Variants in PARP1 observed in about 807,000 individuals in gnomAD.
PARP1 encodes the protein poly [ADP-ribose] polymerase 1.
Under a neutral mutation model 118.7 loss-of-function variants are expected in PARP1, and 44 were observed. That is an observed-to-expected ratio of 0.37 (90% confidence interval 0.29 to 0.48). The LOEUF (loss-of-function observed/expected upper bound fraction) is 0.48. Among genes scored for constraint, PARP1 ranks in the 20% least tolerant of loss-of-function variants. The pLI, the probability that PARP1 is intolerant of heterozygous loss-of-function variation, is 0.99. For missense variants in PARP1, 1,100 were observed against 1,272.4 expected (o/e 0.86, Z 2.06); for synonymous variants, 492 against 483.2 (o/e 1.02, Z -0.24).
intron 2 of PARP1, among the ~76,000 whole-genome samples, chr1:226,398,133 C>A (rs932740448): frequency 6.6e-6 from 1 of 151,070 alleles, no homozygotes; most frequent in African/African-American, 2.4e-5. Context: ...ACACCAAAAG[C>A]CCAATCCACT....
chr1:226,402,467 T>C, intron 1 of PARP1, 88 bp from the exon 2 acceptor site: 1 of 1,280,336 alleles, frequency 7.8e-7, no homozygotes, highest in South Asian at 1.3e-5. Context: ...TCGACCCCAG[T>C]CCCAGCCCCA....
intron 9 of PARP1, 37 bp from the exon 10 acceptor site, chr1:226,380,201 G>C (rs1664578088): frequency 6.2e-7 from 1 of 1,606,460 alleles, no homozygotes; most frequent in African/African-American, 1.3e-5. Flanking sequence ...CAAAATACAA[G>C]TTTAAAACAA....
At chr1:226,405,904 T>TCA (rs1430828490) in intron 1 of PARP1, among the ~76,000 whole-genome samples, 1 of 152,212 alleles carries the variant, frequency 6.6e-6, no homozygotes, top group East Asian at 1.9e-4. Context: ...TCGCTTGAGC[T>TCA]CAGGAGTTTG....
intron 2 of PARP1, among the ~76,000 whole-genome samples, chr1:226,395,568 C>G (rs561602686): frequency 1.3e-5 from 2 of 151,976 alleles, no homozygotes; most frequent in African/African-American, 4.8e-5. Context: ...TTACCTGAAC[C>G]CAGGAGGTGG....
intron 13 of PARP1, among the ~76,000 whole-genome samples, chr1:226,374,838 C>G (rs2102732664): frequency 6.6e-6 from 1 of 152,330 alleles, no homozygotes; most frequent in Non-Finnish European, 1.5e-5. Flanking sequence ...TCCCAAAGTA[C>G]CAAGCAACCA....
chr1:226,401,906 G>C (rs746351877), intron 2 of PARP1: 19 of 1,262,526 alleles, frequency 1.5e-5, no homozygotes, highest in Non-Finnish European at 1.9e-5. Flanking sequence ...TGGTGGGAGG[G>C]GGAGGGGGTA....
Position 226,370,002 on chromosome 1 carries a change from AT to A in PARP1, c.2154+431del, listed in dbSNP as rs199981494. Among the ~76,000 whole-genome samples, 100 of 143,926 alleles carry A rather than the reference AT, an allele frequency of 6.9e-4. 1 individual carries two copies. The East Asian group carries it at 0.02, about 29-fold the overall frequency. 94.4% of individuals were successfully genotyped at this position (143,926 alleles called of 152,430 possible). On this transcript the variant is annotated intron_variant, in intron 15 of 22. Transcript: ENST00000366794. ...ATCCCACCAAAAAAAAAAAAAAAAA[AT>A]CTCAGGATGCGAGACCCACAGATGT...
intron 17 of PARP1, chr1:226,367,193 A>G (rs1398698587): frequency 2.2e-6 from 1 of 462,366 alleles, no homozygotes; most frequent in East Asian, 4.3e-5. Flanking sequence ...CAAACAAAAA[A>G]GAACTTTTGG....
chr1:226,368,139 T>C (rs1290479485), intron 16 of PARP1, 60 bp downstream of exon 16: 1 of 1,609,660 alleles, frequency 6.2e-7, no homozygotes, highest in Non-Finnish European at 8.5e-7. Flanking sequence ...GAGGGACGGC[T>C]GCAAGGTAGT....
intron 12 of PARP1, among the ~76,000 whole-genome samples, chr1:226,378,135 C>T (rs1664531096): frequency 1.3e-5 from 2 of 152,100 alleles, no homozygotes; most frequent in African/African-American, 2.4e-5. Flanking sequence ...ACAGCCTACA[C>T]CACCCTTTCA....
chr1:226,363,940 C>T lies in PARP1; in HGVS notation c.2786+3G>A. 6.2e-7 allele frequency: 1 copy of T among 1,613,786 alleles called. No homozygotes were observed. The highest frequency in any genetic ancestry group is 8.5e-7 in the Non-Finnish European group (1 of 1,179,930). On this transcript the variant is annotated splice_donor_region_variant and intron_variant, in intron 20 of 22. Transcript: ENST00000366794. Reference sequence around the variant, plus strand: ...CATCAGTCCCAGAGCCAGGTTTACTCACATGTTTCCAAGGGCAACTTCTCC... The same window carrying T: ...CATCAGTCCCAGAGCCAGGTTTACTTACATGTTTCCAAGGGCAACTTCTCC...
At chr1:226,387,579 T>TCA (rs1480202524) in intron 5 of PARP1, among the ~76,000 whole-genome samples, 1 of 152,080 alleles carries the variant, frequency 6.6e-6, no homozygotes, top group Non-Finnish European at 1.5e-5. Flanking sequence ...CTCCTCTCCA[T>TCA]CACACACAGC....
chr1:226,389,122 C>T (rs763187973), intron 4 of PARP1, among the ~76,000 whole-genome samples: 21 of 152,054 alleles, frequency 1.4e-4, no homozygotes, highest in African/African-American at 4.8e-4. Flanking sequence ...AGGTTCTAGC[C>T]GGGACTAGGC....
At chr1:226,366,380 G>A (rs570930558) in intron 17 of PARP1, 122 of 352,120 alleles carry the variant, frequency 3.5e-4, no homozygotes, top group South Asian at 1.5e-3. Flanking sequence ...ACAAGCAATT[G>A]GCTCCTGGAA....
intron 2 of PARP1, among the ~76,000 whole-genome samples, chr1:226,399,136 T>A (rs1313479559): frequency 1.4e-5 from 2 of 147,278 alleles, no homozygotes; most frequent in East Asian, 4.0e-4. Flanking sequence ...TGCAGTGGCA[T>A]GATCTCGGCT....
At chr1:226,365,220 A>G in intron 18 of PARP1, 66 bp from the exon 19 acceptor site, 1 of 1,538,220 alleles carries the variant, frequency 6.5e-7, no homozygotes. Flanking sequence ...TGACTGAAAG[A>G]CAGGACTGGA....
intron 22 of PARP1, 82 bp downstream of exon 22, chr1:226,361,887 C>T (rs1664146715): frequency 1.2e-6 from 1 of 850,294 alleles, no homozygotes; most frequent in Admixed American, 1.9e-5. Flanking sequence ...TTGTCTGCCC[C>T]AGGTAATCTG....
At position 226,363,082 on chromosome 1, in the gene PARP1, CTTTGGA is replaced by C. The variant is rs756825492; in HGVS notation, c.2848+11_2848+16del. ...AGGGTGCCTCGGGCTGTAGCAACAG[CTTTGGA>C]AACACTTTACCTTTGACACTGTGCT... On this transcript the variant is annotated intron_variant, in intron 21 of 22. Transcript: ENST00000366794. 2.3e-5 allele frequency: 37 copies of C among 1,605,658 alleles called. No individual in the cohort carries two copies. The South Asian group carries it at 3.9e-4, about 17-fold the overall frequency.
chr1:226,390,658 C>T (rs185418114), intron 3 of PARP1, 34 bp from the exon 4 acceptor site: 319 of 1,591,502 alleles, frequency 2.0e-4, no homozygotes, highest in East Asian at 7.6e-4. Context: ...ACCAAGGGAG[C>T]GACAAGCAAG....
Sources: allele counts gnomAD v4.1 joint callset (sites outside exome capture counted in the v4.1 genomes callset), GRCh38; gene constraint gnomAD v4.1.1; transcripts MANE v1.5; gene names NCBI Gene and HGNC (gene_info 2026-07-23, HGNC 2026-07-21).